Variants in MYRIP observed in about 807,000 individuals in gnomAD.
MYRIP encodes rab effector MyRIP.
A neutral mutation model predicts 98.0 loss-of-function variants in MYRIP; 49 were observed. The observed-to-expected ratio is 0.50, with a 90% CI of 0.40 to 0.63. The LOEUF (loss-of-function observed/expected upper bound fraction) is 0.63, where lower values mean the gene tolerates loss of function less well. Among genes scored for constraint, MYRIP ranks in the 30% least tolerant of loss-of-function variants. The probability of loss-of-function intolerance (pLI) is 0.00; values close to 1 mark genes in which losing one functional copy is unlikely to be tolerated. For missense variants in MYRIP, 1,004 were observed against 1,058.2 expected (o/e 0.95, Z 0.71); for synonymous variants, 404 against 409.5 (o/e 0.99, Z 0.16).
intron 3 of MYRIP, among the ~76,000 whole-genome samples, chr3:40,064,701 T>A (rs548155662): frequency 2.9e-4 from 44 of 152,296 alleles, no homozygotes; most frequent in Non-Finnish European, 4.6e-4. Flanking sequence ...TGATCTGTTC[T>A]CCTGACTTCA....
At chr3:40,222,574 C>T (rs148588001) in intron 11 of MYRIP, among the ~76,000 whole-genome samples, 201 of 151,754 alleles carry the variant, frequency 1.3e-3, no homozygotes, top group Non-Finnish European at 2.4e-3. Flanking sequence ...ACCCCCCACC[C>T]CCTCCCCATC....
chr3:40,102,436 C>T (rs779490903), intron 3 of MYRIP, among the ~76,000 whole-genome samples: 4 of 152,170 alleles, frequency 2.6e-5, no homozygotes, highest in Non-Finnish European at 4.4e-5. Context: ...TTATGCTTCA[C>T]CTGCTTTCTA....
intron 1 of MYRIP, among the ~76,000 whole-genome samples, chr3:39,889,200 A>G (rs1307063476): frequency 6.6e-6 from 1 of 152,226 alleles, no homozygotes; most frequent in Admixed American, 6.5e-5. Context: ...AAGGAGTATA[A>G]ATAATGCTGC....
intron 2 of MYRIP, among the ~76,000 whole-genome samples, chr3:39,931,298 G>A (rs189317963): frequency 7.7e-4 from 116 of 150,238 alleles, no homozygotes; most frequent in Middle Eastern, 6.8e-3. Context: ...CAATAATATT[G>A]TAAATAGAAT....
intron 2 of MYRIP, among the ~76,000 whole-genome samples, chr3:40,043,692 C>T (rs537806674): frequency 2.8e-4 from 43 of 152,250 alleles, no homozygotes; most frequent in Admixed American, 4.6e-4. Flanking sequence ...CATAAGTGAT[C>T]TCCTGCTCCT....
intron 2 of MYRIP, among the ~76,000 whole-genome samples, chr3:39,992,621 C>T (rs1946207506): frequency 6.6e-6 from 1 of 152,206 alleles, no homozygotes. Context: ...ATTCACAGAA[C>T]ACTTTATTAC....
At position 40,244,540 on chromosome 3, in the gene MYRIP, C is replaced by G; in HGVS notation, c.2195C>G (p.Thr732Ser). The change falls in exon 13 of 17, where the codon ACC becomes AGC. Residue 732 changes from threonine to serine, a missense_variant. Coordinates refer to ENST00000302541, the MANE Select transcript of MYRIP (RefSeq NM_015460.4). ...TGCATCCACAGTGGCACTGATGAGACCCATCTGGCGGATCTGGAGGACCAG... is the reference window on the plus strand; with the variant it reads ...TGCATCCACAGTGGCACTGATGAGAGCCATCTGGCGGATCTGGAGGACCAG... ...ARCIHSGTDE[T>S]HLADLEDQVA... 1 of 1,614,044 alleles carries G rather than the reference C, an allele frequency of 6.2e-7. No homozygotes were observed. The highest frequency in any genetic ancestry group is 8.5e-7 in the Non-Finnish European group (1 of 1,179,946).
intron 1 of MYRIP, among the ~76,000 whole-genome samples, chr3:39,850,846 T>C (rs1942109681): frequency 6.6e-6 from 1 of 152,204 alleles, no homozygotes; most frequent in Non-Finnish European, 1.5e-5. Flanking sequence ...AAGAGGATCA[T>C]TATCCAGTTG....
chr3:39,864,647 G>C (rs1254806025), intron 1 of MYRIP, among the ~76,000 whole-genome samples: 1 of 152,126 alleles, frequency 6.6e-6, no homozygotes, highest in East Asian at 1.9e-4. Context: ...AAAGAAATCT[G>C]TCATGACACA....
chr3:39,872,486 C>T (rs570729279), intron 1 of MYRIP, among the ~76,000 whole-genome samples: 1 of 138,564 alleles, frequency 7.2e-6, no homozygotes, highest in Admixed American at 7.2e-5. Flanking sequence ...ATCCCTCCCC[C>T]CTCCCCCCAT....
At chr3:40,132,050 T>C (rs557101157) in intron 3 of MYRIP, among the ~76,000 whole-genome samples, 8 of 152,122 alleles carry the variant, frequency 5.3e-5, no homozygotes, top group Non-Finnish European at 1.2e-4. Context: ...ATCTAAAATG[T>C]GCTTATATCA....
At chr3:39,823,018 CT>C (rs35819968) in intron 1 of MYRIP, among the ~76,000 whole-genome samples, 2,579 of 123,262 alleles carry the variant, frequency 0.021, 35 homozygotes, top group African/African-American at 0.058. Flanking sequence ...TCTTTTCTTC[CT>C]TTTTTTTTTT....
At chr3:40,035,149 A>C (rs1223066358) in intron 2 of MYRIP, among the ~76,000 whole-genome samples, 2 of 151,548 alleles carry the variant, frequency 1.3e-5, no homozygotes, top group Non-Finnish European at 2.9e-5. Flanking sequence ...GGTGCAGCAC[A>C]CCAGCATGGC....
chr3:39,816,167 C>T (rs1382912528), intron 1 of MYRIP, among the ~76,000 whole-genome samples: 2 of 151,726 alleles, frequency 1.3e-5, no homozygotes, highest in Admixed American at 1.3e-4. Context: ...CTGCAAGCTC[C>T]GCCTCCTGGG....
At chr3:40,005,741 A>C (rs1395918338) in intron 2 of MYRIP, among the ~76,000 whole-genome samples, 1 of 152,168 alleles carries the variant, frequency 6.6e-6, no homozygotes, top group Non-Finnish European at 1.5e-5. Context: ...TCTTGTCTAT[A>C]ATGTATTTTG....
intron 8 of MYRIP, among the ~76,000 whole-genome samples, chr3:40,178,596 G>C (rs1281899798): frequency 6.6e-6 from 1 of 152,204 alleles, no homozygotes; most frequent in African/African-American, 2.4e-5. Context: ...ATCAAGTTGA[G>C]TGAGAGAACA....
intron 2 of MYRIP, among the ~76,000 whole-genome samples, chr3:39,902,547 C>G (rs114186474): frequency 0.037 from 5,575 of 152,254 alleles, 141 homozygotes; most frequent in Non-Finnish European, 0.055. Context: ...TGGGTGTGCC[C>G]TAAACCTCTG....
chr3:39,809,446 G>A (rs1279530504), upstream of MYRIP, among the ~76,000 whole-genome samples: 3 of 147,242 alleles, frequency 2.0e-5, no homozygotes, highest in African/African-American at 4.9e-5. Flanking sequence ...TGGAGGAACC[G>A]GCCCGGCGGG....
At chr3:40,163,314 G>A (rs993176600) in intron 5 of MYRIP, among the ~76,000 whole-genome samples, 1 of 152,136 alleles carries the variant, frequency 6.6e-6, no homozygotes, top group African/African-American at 2.4e-5. Context: ...CCTTCCTCCT[G>A]TGACCTCCAC....
Sources: gnomAD v4.1 joint callset for allele counts (sites outside exome capture counted in the v4.1 genomes callset) on GRCh38, gnomAD v4.1.1 for gene constraint, MANE v1.5 for transcripts, NCBI Gene and HGNC (gene_info 2026-07-23, HGNC 2026-07-21) for gene names.